IGDCC4: variants seen among roughly 807,000 people sequenced by gnomAD.
IGDCC4 encodes the protein likely ortholog of mouse neighbor of Punc E11.
A neutral mutation model predicts 116.6 loss-of-function variants in IGDCC4; 72 were observed. That is an observed-to-expected ratio of 0.62 (90% CI 0.51 to 0.75). The LOEUF is 0.75. Among genes scored for constraint, IGDCC4 ranks in the 30% least tolerant of loss-of-function variants. The pLI, the probability that IGDCC4 is intolerant of heterozygous loss-of-function variation, is 0.00. For missense variants in IGDCC4, 1,501 were observed against 1,662.4 expected, an observed-to-expected ratio of 0.90 and a Z score of 1.69; for synonymous variants, 709 against 719.9, an observed-to-expected ratio of 0.98 and a Z score of 0.24.
intron 1 of IGDCC4, among the ~76,000 whole-genome samples, chr15:65,420,412 G>C (rs143912949): frequency 3.9e-5 from 6 of 152,106 alleles, no homozygotes; most frequent in African/African-American, 7.2e-5. Context: ...CAACAGCCTC[G>C]AAGGAGCTGG....
chr15:65,415,593 G>A (rs993170055), intron 1 of IGDCC4, among the ~76,000 whole-genome samples: 9 of 152,232 alleles, frequency 5.9e-5, no homozygotes, highest in South Asian at 2.1e-4. Flanking sequence ...TAGTGGAAAC[G>A]TCTGTGAAGC....
rs1216988771 is a variant in IGDCC4 at position 65,394,520 on chromosome 15, C to G, written c.1605G>C (p.Leu535=). ...DVPSAAPQLS[L]SSPNPSDIRV... is the part of the protein sequence containing the mutation. ...TGATGTCCGAAGGGTTGGGGCTGGA[C>G]AGGGAGAGCTGGGGTGCTGCACTGG... The change falls in exon 9 of 20, where the codon CTG becomes CTC. Residue 535 remains leucine (L), a synonymous_variant. Coordinates refer to ENST00000352385, the MANE Select transcript of IGDCC4 (RefSeq NM_020962.3). 1 of 1,610,860 alleles carries G rather than the reference C, an allele frequency of 6.2e-7. No individual in the cohort carries two copies.
At chr15:65,412,298 T>C (rs1463725261) in intron 1 of IGDCC4, among the ~76,000 whole-genome samples, 1 of 151,780 alleles carries the variant, frequency 6.6e-6, no homozygotes, top group East Asian at 1.9e-4. Context: ...TGGATCATGA[T>C]GTCAGGAGTT....
At position 65,411,103 on chromosome 15, in the gene IGDCC4, C is replaced by T. The variant is rs1476500433; in HGVS notation, c.338G>A (p.Gly113Glu). The part of the protein sequence containing the change: ...GSDESVPEAV[G>E]VIEGNYSCLA... The stretch of plus-strand genomic sequence containing the variant: ...GCACGAATAGTTGCCTTCAATGACC[C>T]CCACAGCCTCAGGGACTGACTCGTC... Residue 113 changes from glycine (G) to glutamate (E), a missense_variant, in exon 2 of 20, where the codon GGG becomes GAG. Transcript: ENST00000352385. The T allele has an allele frequency of 6.2e-7, 1 of 1,614,212 alleles. No homozygotes were observed. Among genetic ancestry groups the T allele is most frequent in the South Asian group, 1.1e-5 (1 of 91,080 alleles).
chr15:65,385,812 A>G lies in IGDCC4; in HGVS notation c.3180+19T>C, dbSNP rs1444862102. The G allele has an allele frequency of 1.9e-6, 3 of 1,584,822 alleles. No homozygotes were observed. Among genetic ancestry groups the G allele is most frequent in the South Asian group, 1.1e-5 (1 of 90,492 alleles). On this transcript the variant is annotated intron_variant, in intron 18 of 19. Coordinates refer to ENST00000352385, the MANE Select transcript of IGDCC4 (RefSeq NM_020962.3). Reference sequence around the variant, plus strand: ...GTGTCCTATTTAGAAAAGAGCCGCAATGTGGGGCTCTGACTTACCTTTCTT... The same window carrying G: ...GTGTCCTATTTAGAAAAGAGCCGCAGTGTGGGGCTCTGACTTACCTTTCTT...
chr15:65,398,193 A>AT (rs1474896525), intron 5 of IGDCC4, among the ~76,000 whole-genome samples: 2 of 152,044 alleles, frequency 1.3e-5, no homozygotes, highest in South Asian at 2.1e-4. Flanking sequence ...TTCTGCATCT[A>AT]TTTTTTTCCT....
chr15:65,422,790 T>G lies in IGDCC4; in HGVS notation c.70+3A>C. ...TCCTGCCTCTCCGGGCGCCCGCCCT[T>G]ACCGCGCGCGGCCAACAGGCAGAAG... is the stretch of plus-strand genomic sequence containing the variant. On this transcript the variant is annotated splice_donor_region_variant and intron_variant, in intron 1 of 19. Transcript: ENST00000352385. 8 of 1,300,324 alleles carry G rather than the reference T, an allele frequency of 6.2e-6. No homozygotes were observed. The highest frequency in any genetic ancestry group is 3.4e-5 in the East Asian group (1 of 29,422). The allele number at this position is 1,300,324 out of a possible 1,614,324, so 80.5% of individuals were successfully genotyped here.
chr15:65,410,192 C>A lies in IGDCC4; in HGVS notation c.549G>T (p.Leu183Phe). The change falls in exon 3 of 20, where the codon TTG becomes TTT. Residue 183 changes from leucine (L) to phenylalanine (F), a missense_variant. Physicochemically the swap from Leu to Phe is conservative, Grantham distance 22. Around this residue, in one of 3 missense-constraint regions of IGDCC4, gnomAD observed 898 missense variants for 978.9 expected, o/e 0.92. Transcript: ENST00000352385. ...AGGGCACTCACCGAGGCTCCTCAGG[C>A]AATGTCACCTGGTCCTTCTCCCAAG... ...IITWEKDQVT[L>F]PEEPRLIVLP... The A allele has an allele frequency of 6.2e-7, 1 of 1,613,282 alleles. No individual in the cohort carries two copies. Among genetic ancestry groups the A allele is most frequent in the Non-Finnish European group, 8.5e-7 (1 of 1,180,012 alleles).
In IGDCC4 at chr15:65,393,497, CTCATTTCCTCGCACCTCAG is replaced by C. The variant is rs773066080; in HGVS notation, c.1730_1748del (p.Thr577ArgfsTer6). 6.2e-7 allele frequency: 1 copy of C among 1,607,552 alleles called. No homozygotes were observed. Among genetic ancestry groups the C allele is most frequent in the South Asian group, 1.1e-5 (1 of 89,706 alleles). On this transcript the variant is annotated frameshift_variant, in exon 10 of 20. Coordinates refer to ENST00000352385, the MANE Select transcript of IGDCC4 (RefSeq NM_020962.3). LOFTEE classifies it high-confidence loss of function. The surrounding 1 kb of genome is among the most constrained non-coding windows in gnomAD (Gnocchi z 4.6). Reference sequence around the variant, plus strand: ...GAAGCGAGTTCAGCATAAGCTGTGTCTCATTTCCTCGCACCTCAGTAGAGAAAATCTGATCTGCAGGGAC... The same window carrying C: ...GAAGCGAGTTCAGCATAAGCTGTGTCTAGAGAAAATCTGATCTGCAGGGAC...
At chr15:65,390,727 T>C (rs1290183918) in intron 12 of IGDCC4, among the ~76,000 whole-genome samples, 21 of 152,202 alleles carry the variant, frequency 1.4e-4, no homozygotes, top group Non-Finnish European at 4.4e-5. Flanking sequence ...CATGGGGTTG[T>C]TATGAGGATT....
chr15:65,399,447 CAAAAAAAAAAAA>C (rs112040935), intron 5 of IGDCC4, among the ~76,000 whole-genome samples: 15,781 of 71,910 alleles, frequency 0.22, 1,634 homozygotes, highest in East Asian at 0.56. Flanking sequence ...GGGTGACAGG[CAAAAAAAAAAAA>C]AAAAAAAAAA....
At position 65,392,217 on chromosome 15, in the gene IGDCC4, G is replaced by A. The variant is rs1466814066; in HGVS notation, c.2039C>T (p.Pro680Leu). ...CCAAGCCTGGTCTCCACGGCCCCCTGGCAGGCGATCGCCATTGGCCTCCTC... is the reference window on the plus strand; with the variant it reads ...CCAAGCCTGGTCTCCACGGCCCCCTAGCAGGCGATCGCCATTGGCCTCCTC... ...AEEEANGDRLPGGRGDQAWDV... is the reference protein window; with the variant it reads ...AEEEANGDRLLGGRGDQAWDV... Residue 680 changes from proline to leucine, a missense_variant, in exon 11 of 20, where the codon CCA (proline) becomes CTA (leucine). Pro to Leu is a moderately conservative substitution (Grantham distance 98). Coordinates refer to ENST00000352385, the MANE Select transcript of IGDCC4 (RefSeq NM_020962.3). 6.2e-7 allele frequency: 1 copy of A among 1,613,758 alleles called. No homozygotes were observed. Among genetic ancestry groups the A allele is most frequent in the African/African-American group, 1.3e-5 (1 of 74,852 alleles).
intron 5 of IGDCC4, among the ~76,000 whole-genome samples, 163 bp from the exon 6 acceptor site, chr15:65,397,152 C>CTA (rs1253976484): frequency 6.6e-6 from 1 of 152,216 alleles, no homozygotes; most frequent in African/African-American, 2.4e-5. Context: ...GCCCGGCTGT[C>CTA]TCCATCTGTA....
At position 65,394,454 on chromosome 15, in the gene IGDCC4, C is replaced by G; in HGVS notation, c.1671G>C (p.Gly557=). The part of the protein sequence containing the change: ...WLPLPPSLSN[G]QVVKYKIEYG... ...ATTCTATCTTGTACTTCACCACCTG[C>G]CCATTGCTCAGGCTGGGGGGCAGGG... The change falls in exon 9 of 20, where the codon GGG becomes GGC. Residue 557 remains glycine, a synonymous_variant. Transcript: ENST00000352385. The G allele has an allele frequency of 6.2e-7, 1 of 1,614,096 alleles. No individual in the cohort carries two copies. The highest frequency in any genetic ancestry group is 1.1e-5 in the South Asian group (1 of 91,084).
At chr15:65,386,112 G>A (rs1385160505) in intron 17 of IGDCC4, 53 bp from the exon 18 acceptor site, 5 of 1,183,790 alleles carry the variant, frequency 4.2e-6, no homozygotes, top group Non-Finnish European at 5.9e-6. Flanking sequence ...GGGGTCAGGC[G>A]GGGCTGGGAT....
intron 1 of IGDCC4, among the ~76,000 whole-genome samples, chr15:65,414,098 C>A (rs2063122229): frequency 6.6e-6 from 1 of 152,194 alleles, no homozygotes; most frequent in East Asian, 1.9e-4. Flanking sequence ...ACACACAGGT[C>A]AACATTTAGA....
At chr15:65,395,686 G>C in intron 7 of IGDCC4, 64 bp downstream of exon 7, 1 of 1,389,140 alleles carries the variant, frequency 7.2e-7, no homozygotes, top group Admixed American at 3.1e-5. Flanking sequence ...CATCCGACCT[G>C]AACCCCTTCT....
intron 2 of IGDCC4, 21 bp from the exon 3 acceptor site, chr15:65,410,340 G>A: frequency 6.2e-7 from 1 of 1,613,568 alleles, no homozygotes; most frequent in Non-Finnish European, 8.5e-7. Context: ...TGAGACACAG[G>A]CAGGGACGGG....
At chr15:65,396,625 C>T (rs1249486283) in intron 6 of IGDCC4, among the ~76,000 whole-genome samples, 1 of 152,106 alleles carries the variant, frequency 6.6e-6, no homozygotes, top group African/African-American at 2.4e-5. Flanking sequence ...CCCTCTCGCT[C>T]CATCCCAGAC....
Sources: gnomAD v4.1 joint callset for allele counts (sites outside exome capture counted in the v4.1 genomes callset) on GRCh38, gnomAD v4.1.1 for gene constraint, gnomAD v4.1.1 regional missense constraint, Gnocchi (gnomAD v3.1) non-coding constraint, MANE v1.5 for transcripts, NCBI Gene and HGNC (gene_info 2026-07-23, HGNC 2026-07-21) for gene names.